PTPN12: variants seen among roughly 807,000 people sequenced by gnomAD.
PTPN12 encodes the protein protein tyrosine phosphatase non-receptor type 12, also known as tyrosine-protein phosphatase non-receptor type 12.
A neutral mutation model predicts 97.6 loss-of-function variants in PTPN12; 29 were observed. The ratio of observed to expected loss-of-function variants is 0.30; its 90% CI spans 0.22 to 0.41. The LOEUF (loss-of-function observed/expected upper bound fraction) is 0.41. PTPN12 is among the 10% of genes least tolerant of loss of function. The pLI is 1.00. For synonymous variants in PTPN12, 327 were observed against 300.4 expected (o/e 1.09, Z -0.91); for missense variants, 819 against 926.0 (o/e 0.88, Z 1.50).
chr7:77,573,661 C>T (rs1787238072), intron 2 of PTPN12, among the ~76,000 whole-genome samples: 1 of 152,218 alleles, frequency 6.6e-6, no homozygotes, highest in African/African-American at 2.4e-5. Context: ...GGTGATCCTA[C>T]ATTGCTCTGG....
At chr7:77,622,665 GGAGGCT>G (rs1297587649) in intron 12 of PTPN12, among the ~76,000 whole-genome samples, 4 of 138,074 alleles carry the variant, frequency 2.9e-5, no homozygotes, top group South Asian at 2.6e-4. Flanking sequence ...CAGCTACTCA[GGAGGCT>G]GAGGCAGGAG....
At chr7:77,603,078 G>A (rs1788240121) in intron 8 of PTPN12, among the ~76,000 whole-genome samples, 2 of 152,106 alleles carry the variant, frequency 1.3e-5, no homozygotes, top group Admixed American at 1.3e-4. Context: ...TGGAGATGTG[G>A]GAATCAGTTA....
At chr7:77,615,275 AAT>A (rs1358229670) in intron 11 of PTPN12, among the ~76,000 whole-genome samples, 10 of 152,202 alleles carry the variant, frequency 6.6e-5, no homozygotes, top group African/African-American at 2.4e-4. Flanking sequence ...TTTTTCCTAA[AAT>A]ATAATTTTTT....
chr7:77,630,586 A>G (rs997076515), intron 13 of PTPN12, among the ~76,000 whole-genome samples: 1 of 152,224 alleles, frequency 6.6e-6, no homozygotes, highest in African/African-American at 2.4e-5. Context: ...AAAATATGGT[A>G]TCATAATCTT....
intron 1 of PTPN12, among the ~76,000 whole-genome samples, chr7:77,558,009 G>A (rs935049772): frequency 3.3e-5 from 5 of 151,860 alleles, no homozygotes; most frequent in Middle Eastern, 3.2e-3. Flanking sequence ...TCAGAAGTTC[G>A]AGACCAGCCT....
chr7:77,608,656 A>G (rs1788455632), intron 9 of PTPN12, among the ~76,000 whole-genome samples: 1 of 151,690 alleles, frequency 6.6e-6, no homozygotes, highest in Non-Finnish European at 1.5e-5. Context: ...TCTTCCCCTT[A>G]TTTCTCTTTT....
At position 77,626,757 on chromosome 7, in the gene PTPN12, C is replaced by T. The variant is rs1218679746; in HGVS notation, c.1078C>T (p.His360Tyr). Reference sequence around the variant, plus strand: ...AGAAATACTGCAGCCACCGGAACCTCATCCAGTGCCACCCATCTTGACACC... The same window carrying T: ...AGAAATACTGCAGCCACCGGAACCTTATCCAGTGCCACCCATCTTGACACC... ...KEEILQPPEPHPVPPILTPSP... is the reference protein window; with the variant it reads ...KEEILQPPEPYPVPPILTPSP... The change falls in exon 13 of 18, where the codon CAT becomes TAT. Residue 360 changes from histidine (H) to tyrosine (Y), a missense_variant. Coordinates refer to ENST00000248594, the MANE Select transcript of PTPN12 (RefSeq NM_002835.4). 1.2e-6 allele frequency: 2 copies of T among 1,612,650 alleles called. No individual in the cohort carries two copies. The highest frequency in any genetic ancestry group is 1.3e-5 in the African/African-American group (1 of 74,834).
At position 77,616,296 on chromosome 7, in the gene PTPN12, T is replaced by C. The variant is rs1220909495; in HGVS notation, c.940-2184T>C. On this transcript the variant is annotated intron_variant, in intron 11 of 17. Transcript: ENST00000248594. Reference sequence around the variant, plus strand: ...AATATTCTCAACTATAGCTTTTTTTTCTGATTTCATAGCTTCATAGTACTG... The same window carrying C: ...AATATTCTCAACTATAGCTTTTTTTCCTGATTTCATAGCTTCATAGTACTG... Among the ~76,000 whole-genome samples, 3 of 152,202 alleles carry C rather than the reference T, an allele frequency of 2.0e-5. No individual in the cohort carries two copies. In the East Asian group the frequency reaches 5.8e-4, roughly 29 times the overall value.
chr7:77,567,299 CTT>C (rs1314865457), intron 1 of PTPN12, among the ~76,000 whole-genome samples: 3 of 151,682 alleles, frequency 2.0e-5, no homozygotes, highest in South Asian at 2.1e-4. Context: ...GATGTATTCT[CTT>C]TATATATTTA....
chr7:77,581,529 T>A (rs755257852), intron 3 of PTPN12, 26 bp downstream of exon 3: 6 of 1,402,966 alleles, frequency 4.3e-6, no homozygotes, highest in Non-Finnish European at 5.9e-6. Context: ...AAATGGTGTT[T>A]CTCTGCCATA....
At position 77,537,624 on chromosome 7, in the gene PTPN12, C is replaced by G. The variant is rs762529467; in HGVS notation, c.78C>G (p.Asp26Glu). The G allele has an allele frequency of 3.1e-6, 5 of 1,600,946 alleles. No individual in the cohort carries two copies. Among genetic ancestry groups the G allele is most frequent in the Non-Finnish European group, 4.3e-6 (5 of 1,174,880 alleles). ...AMKSPDHNGE[D>E]NFARDFMRLR... ...AGAGTCCTGACCACAATGGGGAGGA[C>G]AACTTCGCCCGGGACTTCATGGTGA... is the stretch of plus-strand genomic sequence containing the variant. Residue 26 changes from aspartate to glutamate, a missense_variant, in exon 1 of 18, where the codon GAC becomes GAG. Physicochemically the swap from Asp to Glu is conservative, Grantham distance 45. This residue lies in a region of PTPN12 where 59 missense variants were observed against 42.2 expected (regional missense o/e 1.40). Transcript: ENST00000248594.
In PTPN12 at chr7:77,597,912, AC is replaced by A. The variant is rs563218136; in HGVS notation, c.552+13del. Reference sequence around the variant, plus strand: ...CTTGAATTTCAAAATGTAGGTACTTACCATTTATAGACTATCTGTAAGAATA... The same window carrying A: ...CTTGAATTTCAAAATGTAGGTACTTACATTTATAGACTATCTGTAAGAATA... On this transcript the variant is annotated intron_variant, in intron 7 of 17. Coordinates refer to ENST00000248594, the MANE Select transcript of PTPN12 (RefSeq NM_002835.4). 493 of 1,612,132 alleles carry A rather than the reference AC, an allele frequency of 3.1e-4. 2 individuals carry two copies. The highest frequency in any genetic ancestry group is 2.3e-3 in the Middle Eastern group (14 of 6,052).
At chr7:77,564,156 G>C (rs1808125943) in intron 1 of PTPN12, 1 of 189,322 alleles carries the variant, frequency 5.3e-6, no homozygotes, top group Non-Finnish European at 1.1e-5. Flanking sequence ...TGGGATTACA[G>C]GCACAAGCCA....
chr7:77,622,300 T>C (rs1700416564), intron 12 of PTPN12, among the ~76,000 whole-genome samples: 1 of 152,112 alleles, frequency 6.6e-6, no homozygotes, highest in East Asian at 1.9e-4. Flanking sequence ...GAACTAGGAA[T>C]GACTGGGCAT....
At chr7:77,539,442 G>A (rs902060131) in intron 1 of PTPN12, among the ~76,000 whole-genome samples, 2 of 152,132 alleles carry the variant, frequency 1.3e-5, no homozygotes, top group East Asian at 3.8e-4. Context: ...AAGGAAAACG[G>A]CATTTTCCCT....
At position 77,611,053 on chromosome 7, in the gene PTPN12, G is replaced by A; in HGVS notation, c.939+7G>A. The A allele has an allele frequency of 6.3e-7, 1 of 1,588,736 alleles. No individual in the cohort carries two copies. Among genetic ancestry groups the A allele is most frequent in the Non-Finnish European group, 8.6e-7 (1 of 1,164,410 alleles). ...GAAAATTGCTGATGGAGTGGTAGGT[G>A]TTCTTGGTCTATTAATTTTAGGAAA... On this transcript the variant is annotated splice_region_variant and intron_variant, in intron 11 of 17. Coordinates refer to ENST00000248594, the MANE Select transcript of PTPN12 (RefSeq NM_002835.4).
Position 77,627,263 on chromosome 7 carries a change from T to C in PTPN12, c.1584T>C (p.Leu528=). ...DTPPRPDRLP[L]DEKGHVTWSF... is the part of the protein sequence containing the mutation. ...CTCCAAGGCCAGACCGCTTGCCTCT[T>C]GATGAGAAAGGACATGTAACGTGGT... is the stretch of plus-strand genomic sequence containing the variant. Residue 528 remains leucine (L), a synonymous_variant, in exon 13 of 18, where the codon CTT becomes CTC. Transcript: ENST00000248594. 1 of 1,614,142 alleles carries C rather than the reference T, an allele frequency of 6.2e-7. No individual in the cohort carries two copies. Among genetic ancestry groups the C allele is most frequent in the South Asian group, 1.1e-5 (1 of 91,080 alleles).
chr7:77,638,615 G>T lies in PTPN12; in HGVS notation c.2174-9G>T. On this transcript the variant is annotated splice_polypyrimidine_tract_variant and intron_variant, in intron 16 of 17. Coordinates refer to ENST00000248594, the MANE Select transcript of PTPN12 (RefSeq NM_002835.4). Reference sequence around the variant, plus strand: ...TGGTGATTAACAAAGGCTTTGTGTTGCTACTTAGATCATCCAGCGGGAGGT... The same window carrying T: ...TGGTGATTAACAAAGGCTTTGTGTTTCTACTTAGATCATCCAGCGGGAGGT... The T allele has an allele frequency of 6.4e-7, 1 of 1,572,802 alleles. No homozygotes were observed. The highest frequency in any genetic ancestry group is 8.6e-7 in the Non-Finnish European group (1 of 1,164,510).
chr7:77,570,978 G>A, intron 1 of PTPN12, 100 bp from the exon 2 acceptor site: 1 of 683,162 alleles, frequency 1.5e-6, no homozygotes, highest in South Asian at 2.3e-5. Flanking sequence ...CTAAGAGACA[G>A]GAAAATGAGT....
Sources: allele counts gnomAD v4.1 joint callset (sites outside exome capture counted in the v4.1 genomes callset), GRCh38; gene constraint gnomAD v4.1.1; regional missense constraint gnomAD v4.1.1; transcripts MANE v1.5; gene names NCBI Gene and HGNC (gene_info 2026-07-23, HGNC 2026-07-21).